The following PRKAR2A variants were observed in gnomAD, a reference collection of about 807,000 sequenced individuals.
PRKAR2A encodes protein kinase cAMP-dependent type II regulatory subunit alpha.
In PRKAR2A, 29 loss-of-function variants were observed where a neutral mutation model predicts 51.9. That is an observed-to-expected ratio of 0.56 (90% CI 0.42 to 0.76). The LOEUF (loss-of-function observed/expected upper bound fraction) is 0.76. Ranked by LOEUF, PRKAR2A falls within the 30% of genes least tolerant of loss-of-function variation. The pLI is 0.00. For missense variants in PRKAR2A, 445 were observed against 512.1 expected, an observed-to-expected ratio of 0.87 and a Z score of 1.26; for synonymous variants, 178 against 186.2, an observed-to-expected ratio of 0.96 and a Z score of 0.36.
At chr3:48,777,281 TC>T (rs1237239849) in intron 5 of PRKAR2A, among the ~76,000 whole-genome samples, 1 of 152,232 alleles carries the variant, frequency 6.6e-6, no homozygotes, top group East Asian at 1.9e-4. Flanking sequence ...ATATGTAGTG[TC>T]ATCAGTCTTG....
chr3:48,751,492 G>C lies in PRKAR2A; in HGVS notation c.*93C>G. On this transcript the variant is annotated 3_prime_UTR_variant, in exon 11 of 11. Transcript: ENST00000265563. ...ATGGCAGCAGTGGCGGCAACGGCAG[G>C]AACAGTTCTGTCATGTCTGTTTTCT... 1.3e-6 allele frequency: 2 copies of C among 1,556,512 alleles called. No individual in the cohort carries two copies. The highest frequency in any genetic ancestry group is 1.4e-5 in the African/African-American group (1 of 73,908).
intron 5 of PRKAR2A, among the ~76,000 whole-genome samples, chr3:48,773,570 C>T (rs2082061872): frequency 6.6e-6 from 1 of 151,576 alleles, no homozygotes; most frequent in African/African-American, 2.4e-5. Flanking sequence ...GATCTCCTGG[C>T]TTCGTGATCC....
chr3:48,753,321 A>T (rs576778917), intron 9 of PRKAR2A, among the ~76,000 whole-genome samples: 5 of 152,072 alleles, frequency 3.3e-5, no homozygotes, highest in African/African-American at 1.2e-4. Context: ...TCCAACTGCT[A>T]ACCAAAGTGA....
chr3:48,828,549 C>T (rs2083108045), intron 1 of PRKAR2A, among the ~76,000 whole-genome samples: 5 of 151,488 alleles, frequency 3.3e-5, no homozygotes, highest in Admixed American at 3.3e-4. Context: ...TGAGACTCCG[C>T]CTCTACAAAA....
chr3:48,820,647 C>T (rs571895583), intron 1 of PRKAR2A, among the ~76,000 whole-genome samples: 29 of 152,276 alleles, frequency 1.9e-4, no homozygotes, highest in African/African-American at 6.7e-4. Context: ...AACCTCTGTG[C>T]CTCACTTTCC....
chr3:48,847,760 A>G lies in PRKAR2A; in HGVS notation c.-164T>C. ...CGGCTCTGCGTTTCCGGGCCGCGCA[A>G]CCCTACGCTACCACGGCCGACCTGG... On this transcript the variant is annotated 5_prime_UTR_variant, in exon 1 of 11. Transcript: ENST00000265563. This position sits in a 1 kb window ranked among gnomAD's most constrained non-coding sequence, Gnocchi z 4.4. The G allele has an allele frequency of 1.5e-6, 1 of 688,706 alleles. No individual in the cohort carries two copies. Among genetic ancestry groups the G allele is most frequent in the Non-Finnish European group, 2.1e-6 (1 of 477,106 alleles). The allele number at this position is 688,706 out of a possible 1,614,324, so 42.7% of individuals were successfully genotyped here.
chr3:48,775,204 C>A (rs539891759), intron 5 of PRKAR2A, among the ~76,000 whole-genome samples: 59 of 152,054 alleles, frequency 3.9e-4, no homozygotes, highest in Middle Eastern at 6.8e-3. Flanking sequence ...TTTGGGAGGC[C>A]AAGGTGGGTG....
rs373464862 is a variant in PRKAR2A at position 48,839,559 on chromosome 3, C to T, written c.262+7776G>A. On this transcript the variant is annotated intron_variant, in intron 1 of 10. Transcript: ENST00000265563. ...TTCAGGCATCTCTCAACATTAAATACGCATTATAATACTTTATACTTTGAA... is the reference window on the plus strand; with the variant it reads ...TTCAGGCATCTCTCAACATTAAATATGCATTATAATACTTTATACTTTGAA... 4.6e-5 allele frequency among the ~76,000 whole-genome samples: 7 copies of T among 152,156 alleles called. No homozygotes were observed. In the East Asian group the frequency reaches 5.8e-4, roughly 13 times the overall value.
intron 8 of PRKAR2A, among the ~76,000 whole-genome samples, chr3:48,759,423 G>C (rs991209352): frequency 7.9e-6 from 1 of 127,018 alleles, no homozygotes; most frequent in Non-Finnish European, 1.6e-5. Flanking sequence ...TTTCACTCTT[G>C]TTGCCCAGGC....
chr3:48,782,035 T>C (rs771401276), intron 5 of PRKAR2A, among the ~76,000 whole-genome samples: 25 of 152,206 alleles, frequency 1.6e-4, no homozygotes, highest in Admixed American at 9.2e-4. Context: ...TTTTATTATC[T>C]AGCTCCAAAA....
chr3:48,804,779 G>A (rs1171920869), intron 2 of PRKAR2A, among the ~76,000 whole-genome samples: 1 of 152,156 alleles, frequency 6.6e-6, no homozygotes, highest in African/African-American at 2.4e-5. Flanking sequence ...TGGAGGAGAG[G>A]AGGTCAAAGA....
At chr3:48,813,609 A>C (rs1485366339) in intron 1 of PRKAR2A, among the ~76,000 whole-genome samples, 1 of 152,024 alleles carries the variant, frequency 6.6e-6, no homozygotes, top group Admixed American at 6.6e-5. Flanking sequence ...CAGAAGAATC[A>C]CTTGAACCCG....
chr3:48,794,330 T>C (rs1324736212), intron 2 of PRKAR2A, among the ~76,000 whole-genome samples: 3 of 151,786 alleles, frequency 2.0e-5, no homozygotes, highest in Admixed American at 6.6e-5. Context: ...TTTGTATTTT[T>C]AGTAGGGATG....
At chr3:48,841,046 T>C (rs940218289) in intron 1 of PRKAR2A, among the ~76,000 whole-genome samples, 8 of 149,890 alleles carry the variant, frequency 5.3e-5, no homozygotes, top group African/African-American at 2.0e-4. Flanking sequence ...CACACCCAGC[T>C]AATTTTTTTT....
intron 6 of PRKAR2A, among the ~76,000 whole-genome samples, chr3:48,772,494 A>C (rs1471152081): frequency 1.3e-5 from 2 of 152,140 alleles, no homozygotes; most frequent in Non-Finnish European, 2.9e-5. Context: ...GGTGTGAGTC[A>C]CCGTGCCTGG....
intron 6 of PRKAR2A, among the ~76,000 whole-genome samples, chr3:48,770,327 G>C (rs946145921): frequency 6.6e-6 from 1 of 152,124 alleles, no homozygotes; most frequent in Admixed American, 6.6e-5. Context: ...AATTTCCCAG[G>C]AAACCTTCTA....
At chr3:48,758,610 A>G (rs1288163902) in intron 8 of PRKAR2A, among the ~76,000 whole-genome samples, 1 of 151,894 alleles carries the variant, frequency 6.6e-6, no homozygotes, top group Non-Finnish European at 1.5e-5. Context: ...GAGAAAAGGA[A>G]AACAAAATGA....
chr3:48,839,787 C>T (rs1186343725), intron 1 of PRKAR2A, among the ~76,000 whole-genome samples: 2 of 151,970 alleles, frequency 1.3e-5, no homozygotes, highest in Admixed American at 1.3e-4. Flanking sequence ...TGAAACATAT[C>T]CTATTTCTAA....
intron 6 of PRKAR2A, among the ~76,000 whole-genome samples, chr3:48,770,144 TC>T (rs367860973): frequency 2.2e-4 from 34 of 152,214 alleles, no homozygotes; most frequent in African/African-American, 7.9e-4. Context: ...CAAGGCCAGT[TC>T]CCATGGCTGT....
Sources: allele counts gnomAD v4.1 joint callset (sites outside exome capture counted in the v4.1 genomes callset), GRCh38; gene constraint gnomAD v4.1.1; non-coding constraint Gnocchi (gnomAD v3.1); transcripts MANE v1.5; gene names NCBI Gene and HGNC (gene_info 2026-07-23, HGNC 2026-07-21).